BCAP29: variants seen among roughly 807,000 people sequenced by gnomAD.
BCAP29 encodes the protein B cell receptor associated protein 29.
In BCAP29, 34 loss-of-function variants were observed where a neutral mutation model predicts 31.8. The ratio of observed to expected loss-of-function variants is 1.07; its 90% CI spans 0.81 to 1.42. The LOEUF is 1.42. BCAP29 is among the 40% of genes most tolerant of loss of function. The pLI is 0.00. For synonymous variants in BCAP29, 104 were observed against 91.3 expected, an observed-to-expected ratio of 1.14 and a Z score of -0.79; for missense variants, 314 against 269.2, an observed-to-expected ratio of 1.17 and a Z score of -1.16.
At chr7:107,615,568 C>G (rs867236884) in intron 7 of BCAP29, 1 of 272,536 alleles carries the variant, frequency 3.7e-6, no homozygotes, top group African/African-American at 2.2e-5. Context: ...TGCACTCCAG[C>G]CTGGGTGACA....
intron 2 of BCAP29, 40 bp downstream of exon 2, chr7:107,580,904 C>G: frequency 1.4e-6 from 2 of 1,456,298 alleles, no homozygotes; most frequent in East Asian, 5.0e-5. Flanking sequence ...AATATTGGAT[C>G]GCTCTTAATG....
rs1283139103 is a variant in BCAP29 at position 107,618,678 on chromosome 7, A to G, written c.*315A>G. ...TCATTAACCGGTTGCTTCCAAAATT[A>G]GAAGTTTTAAGTTGCATGAAACCAT... On this transcript the variant is annotated 3_prime_UTR_variant, in exon 8 of 8. Coordinates refer to ENST00000005259, the MANE Select transcript of BCAP29 (RefSeq NM_018844.4). 1 of 1,204,636 alleles carries G rather than the reference A, an allele frequency of 8.3e-7. No homozygotes were observed. Among genetic ancestry groups the G allele is most frequent in the Non-Finnish European group, 1.1e-6 (1 of 872,296 alleles). The allele number at this position is 1,204,636 out of a possible 1,614,324, so 74.6% of individuals were successfully genotyped here.
intron 5 of BCAP29, among the ~76,000 whole-genome samples, chr7:107,596,805 A>G (rs1399934762): frequency 6.6e-6 from 1 of 152,226 alleles, no homozygotes; most frequent in Non-Finnish European, 1.5e-5. Flanking sequence ...CCCTTTTAAA[A>G]AAAGCACCTT....
At chr7:107,604,332 T>G (rs1397146563) in intron 6 of BCAP29, among the ~76,000 whole-genome samples, 1 of 152,186 alleles carries the variant, frequency 6.6e-6, no homozygotes, top group Non-Finnish European at 1.5e-5. Flanking sequence ...ATAGCTGAAG[T>G]GTTTTTCCAG....
intron 6 of BCAP29, among the ~76,000 whole-genome samples, chr7:107,610,194 A>G (rs1346523690): frequency 6.6e-6 from 1 of 152,210 alleles, no homozygotes; most frequent in Non-Finnish European, 1.5e-5. Context: ...GCCTTTAAAA[A>G]TATCTAATGG....
chr7:107,620,825 C>G (rs1415743144), downstream of BCAP29: 2 of 152,208 alleles, frequency 1.3e-5, no homozygotes, highest in African/African-American at 2.4e-5. Context: ...ATGCTGAGAA[C>G]TAGGATTCCC....
At position 107,619,419 on chromosome 7, in the gene BCAP29, GA is replaced by G. The variant is rs1259223276; in HGVS notation, c.*1060del. On this transcript the variant is annotated 3_prime_UTR_variant, in exon 8 of 8. Transcript: ENST00000005259. ...CATGAAATCATCTTCCTTGTCTCATGAAAACCTAAATATAAAAAAAAGGAAA... is the reference window on the plus strand; with the variant it reads ...CATGAAATCATCTTCCTTGTCTCATGAAACCTAAATATAAAAAAAAGGAAA... 6.6e-6 allele frequency: 1 copy of G among 152,018 alleles called. No individual in the cohort carries two copies. The highest frequency in any genetic ancestry group is 2.4e-5 in the African/African-American group (1 of 41,358). The allele number at this position is 152,018 out of a possible 1,614,324, so 9.4% of individuals were successfully genotyped here. A position where few individuals can be genotyped will look rare whatever the true frequency, so the allele number is the denominator to read the frequency against.
downstream of BCAP29, chr7:107,622,616 A>G (rs530015858): frequency 6.6e-6 from 1 of 152,382 alleles, no homozygotes; most frequent in East Asian, 1.9e-4. Context: ...TTGTCTCCTC[A>G]GTGATTAACA....
At chr7:107,608,075 G>A (rs1039147977) in intron 6 of BCAP29, among the ~76,000 whole-genome samples, 26 of 152,012 alleles carry the variant, frequency 1.7e-4, no homozygotes, top group Non-Finnish European at 2.2e-4. Context: ...GGCTAAAATA[G>A]TGCTTGTCTA....
chr7:107,589,662 T>C (rs1362321589), intron 3 of BCAP29, among the ~76,000 whole-genome samples: 2 of 152,194 alleles, frequency 1.3e-5, no homozygotes, highest in Admixed American at 1.3e-4. Context: ...CTCCAGGTGT[T>C]GGGGACCCCT....
chr7:107,609,283 C>T (rs1437944915), intron 6 of BCAP29, among the ~76,000 whole-genome samples: 5 of 152,098 alleles, frequency 3.3e-5, no homozygotes, highest in African/African-American at 1.2e-4. Context: ...TAGAAGCCAT[C>T]CTGAAGGGCC....
Position 107,582,463 on chromosome 7 carries a change from T to TG in BCAP29, c.93-1419_93-1418insG, listed in dbSNP as rs1806873608. On this transcript the variant is annotated intron_variant, in intron 2 of 7. Transcript: ENST00000005259. Reference sequence around the variant, plus strand: ...CACCATAATCTTTAAAGAAAATATTTCATCATTTAGTCTCTATTATTTTCT... The same window carrying TG: ...CACCATAATCTTTAAAGAAAATATTTGCATCATTTAGTCTCTATTATTTTCT... 2.6e-5 allele frequency among the ~76,000 whole-genome samples: 4 copies of TG among 152,336 alleles called. No homozygotes were observed. In the South Asian group the frequency reaches 8.3e-4, roughly 32 times the overall value.
At chr7:107,585,371 G>A (rs1585044275) in intron 3 of BCAP29, among the ~76,000 whole-genome samples, 1 of 152,158 alleles carries the variant, frequency 6.6e-6, no homozygotes, top group East Asian at 1.9e-4. Flanking sequence ...CTCTTTTCAA[G>A]ATGTAAATAT....
chr7:107,612,115 A>C (rs1458150651), intron 6 of BCAP29, among the ~76,000 whole-genome samples: 1 of 152,062 alleles, frequency 6.6e-6, no homozygotes, highest in African/African-American at 2.4e-5. Flanking sequence ...TGGAACCTAT[A>C]ATTTTATTTC....
chr7:107,596,608 GAAC>G (rs1273246789), intron 5 of BCAP29, among the ~76,000 whole-genome samples: 3 of 152,096 alleles, frequency 2.0e-5, no homozygotes, highest in Non-Finnish European at 2.9e-5. Context: ...TGTATTTATA[GAAC>G]AACTGATCAT....
downstream of BCAP29, chr7:107,622,165 G>A (rs995057147): frequency 1.6e-5 from 5 of 309,196 alleles, no homozygotes; most frequent in Admixed American, 1.7e-4. Flanking sequence ...TCATCTCCCT[G>A]TATCTTCTCT....
intron 6 of BCAP29, among the ~76,000 whole-genome samples, chr7:107,609,520 CTT>C (rs1162237414): frequency 6.6e-6 from 1 of 152,174 alleles, no homozygotes; most frequent in Admixed American, 6.5e-5. Context: ...TATCAACAAA[CTT>C]TATCAACAGA....
In BCAP29 at chr7:107,587,670, A is replaced by G. The variant is rs917133816; in HGVS notation, c.193+3688A>G. ...AAGATCATTTAAGAGACTACTTTAT[A>G]TAACTATGCAAATAAATTGGAAAAC... On this transcript the variant is annotated intron_variant, in intron 3 of 7. Transcript: ENST00000005259. 5.3e-5 allele frequency: 8 copies of G among 152,178 alleles called. No homozygotes were observed. The East Asian group carries it at 7.7e-4, about 15-fold the overall frequency. 9.4% of individuals were successfully genotyped at this position (152,178 alleles called of 1,614,324 possible). A position where few individuals can be genotyped will look rare whatever the true frequency, so the allele number is the denominator to read the frequency against.
intron 3 of BCAP29, among the ~76,000 whole-genome samples, chr7:107,586,869 A>G (rs542563238): frequency 3.9e-5 from 6 of 151,984 alleles, no homozygotes; most frequent in Admixed American, 3.9e-4. Flanking sequence ...CTGGGACTAC[A>G]GGCGAGAGCC....
Sources: allele counts gnomAD v4.1 joint callset (sites outside exome capture counted in the v4.1 genomes callset), GRCh38; gene constraint gnomAD v4.1.1; transcripts MANE v1.5; gene names NCBI Gene and HGNC (gene_info 2026-07-23, HGNC 2026-07-21).